The following ALPK1 variants were observed in gnomAD, a reference collection of about 807,000 sequenced individuals.
The protein encoded by ALPK1 is alpha-protein kinase 1.
Under a neutral mutation model 120.6 loss-of-function variants are expected in ALPK1, and 110 were observed. That is an observed-to-expected ratio of 0.91 (90% CI 0.78 to 1.07). The LOEUF (loss-of-function observed/expected upper bound fraction) is 1.07, where lower values mean the gene tolerates loss of function less well. Among genes scored for constraint, ALPK1 ranks in the 50% least tolerant of loss-of-function variants. The probability of loss-of-function intolerance (pLI) is 0.00; values close to 1 mark genes in which losing one functional copy is unlikely to be tolerated. For missense variants in ALPK1, 1,498 were observed against 1,483.9 expected (o/e 1.01, Z -0.16); for synonymous variants, 582 against 560.3 (o/e 1.04, Z -0.55).
intron 1 of ALPK1, among the ~76,000 whole-genome samples, chr4:112,304,444 A>G (rs972500777): frequency 1.3e-5 from 2 of 152,054 alleles, no homozygotes; most frequent in Non-Finnish European, 2.9e-5. Flanking sequence ...TTGCCATTCT[A>G]ACTGGTGTGA....
At chr4:112,323,208 C>T (rs1728938131) in intron 2 of ALPK1, among the ~76,000 whole-genome samples, 1 of 152,182 alleles carries the variant, frequency 6.6e-6, no homozygotes, top group Non-Finnish European at 1.5e-5. Flanking sequence ...ATGTCCTAGT[C>T]GGTCTTCTAA....
chr4:112,336,196 C>T (rs976711461), intron 2 of ALPK1, among the ~76,000 whole-genome samples: 29 of 152,158 alleles, frequency 1.9e-4, no homozygotes, highest in Non-Finnish European at 1.5e-5. Flanking sequence ...TGTAGGTTTT[C>T]ACTTGCTCTT....
rs145036781 is a variant in ALPK1 at position 112,386,533 on chromosome 4, A to G, written c.276+3981A>G. On this transcript the variant is annotated intron_variant, in intron 4 of 15. Coordinates refer to ENST00000650871, the MANE Select transcript of ALPK1 (RefSeq NM_025144.4). ...CAGCTGCCCTTGTAAAACAAAGCAT[A>G]TCACGGGGTCACAGGCTACGGCGAC... is the stretch of plus-strand genomic sequence containing the variant. Among the ~76,000 whole-genome samples, 22 of 152,346 alleles carry G rather than the reference A, an allele frequency of 1.4e-4. No individual in the cohort carries two copies. The East Asian group carries it at 4.2e-3, about 29-fold the overall frequency.
At chr4:112,429,040 G>A (rs1734404179) in intron 9 of ALPK1, 109 bp from the exon 10 acceptor site, 1 of 936,620 alleles carries the variant, frequency 1.1e-6, no homozygotes, top group Non-Finnish European at 1.7e-6. Flanking sequence ...GGGTTGCGGT[G>A]AGGAGTCCCT....
chr4:112,358,796 GAAGT>G, intron 2 of ALPK1: 1 of 827,644 alleles, frequency 1.2e-6, no homozygotes, highest in Non-Finnish European at 2.2e-6. Context: ...TGGTGGCCAT[GAAGT>G]AGGAGCTGAG....
intron 2 of ALPK1, chr4:112,343,168 G>A (rs1729940007): frequency 6.6e-6 from 1 of 152,214 alleles, no homozygotes; most frequent in Non-Finnish European, 1.5e-5. Flanking sequence ...GACGTGCTGA[G>A]ACCTGGTAAA....
At chr4:112,412,299 A>G (rs1409099730) in intron 5 of ALPK1, 1 of 598,372 alleles carries the variant, frequency 1.7e-6, no homozygotes, top group East Asian at 3.6e-5. Context: ...CTTCTAACAA[A>G]TCTGTCCTGC....
intron 2 of ALPK1, chr4:112,356,878 T>A: frequency 1.3e-6 from 1 of 743,952 alleles, no homozygotes; most frequent in South Asian, 1.3e-5. Context: ...TGATCTTTGA[T>A]GAAACTCACA....
At chr4:112,349,800 C>A (rs538219145) in intron 2 of ALPK1, among the ~76,000 whole-genome samples, 1 of 152,302 alleles carries the variant, frequency 6.6e-6, no homozygotes, top group African/African-American at 2.4e-5. Context: ...GATCCACCTG[C>A]CTCGGCCTCC....
chr4:112,423,226 G>A (rs1159465983), intron 5 of ALPK1, among the ~76,000 whole-genome samples: 2 of 152,196 alleles, frequency 1.3e-5, no homozygotes, highest in African/African-American at 4.8e-5. Flanking sequence ...TATTTGGGAT[G>A]AAAGCGTTAC....
chr4:112,435,142 TCCCAGGTGC>T lies in ALPK1; in HGVS notation c.3035-5_3038del. 2 of 1,596,828 alleles carry T rather than the reference TCCCAGGTGC, an allele frequency of 1.3e-6. No individual in the cohort carries two copies. Among genetic ancestry groups the T allele is most frequent in the Admixed American group, 1.8e-5 (1 of 54,176 alleles). On this transcript the variant is annotated splice_acceptor_variant and splice_polypyrimidine_tract_variant and coding_sequence_variant and intron_variant, in exon 12 of 16. Transcript: ENST00000650871. LOFTEE classifies it high-confidence loss of function. ...TAAGATTCATTTTCATCTTTTTTTT[TCCCAGGTGC>T]TCTTTTGTTAAAATATTCAAAAAAA... is the stretch of plus-strand genomic sequence containing the variant.
At chr4:112,340,570 A>G (rs1212516070) in intron 2 of ALPK1, among the ~76,000 whole-genome samples, 2 of 152,230 alleles carry the variant, frequency 1.3e-5, no homozygotes, top group African/African-American at 4.8e-5. Flanking sequence ...GAAGAAAAAA[A>G]TACACATAAT....
intron 2 of ALPK1, chr4:112,357,318 A>G (rs1244960096): frequency 1.1e-6 from 1 of 922,910 alleles, no homozygotes; most frequent in Non-Finnish European, 1.7e-6. Flanking sequence ...GATATTGTCC[A>G]GATTGTGTTC....
rs112320735 is a variant in ALPK1, at chr4:112,361,391, A to C, written c.-100-16287A>C. On this transcript the variant is annotated intron_variant, in intron 2 of 15. Transcript: ENST00000650871. ...GGGGCACAGTGGAAGTGAGACTGGC[A>C]TTTAAGGCTGTAGGCTGCCAGGAAG... is the stretch of plus-strand genomic sequence containing the variant. Among the ~76,000 whole-genome samples the C allele has an allele frequency of 4.7e-3, 723 of 152,292 alleles. 6 individuals are homozygous for C. The highest frequency in any genetic ancestry group is 0.016 in the African/African-American group (685 of 41,572).
In ALPK1 at chr4:112,439,785, G is replaced by T; in HGVS notation, c.3451G>T (p.Glu1151Ter). 1 of 1,612,192 alleles carries T rather than the reference G, an allele frequency of 6.2e-7. No individual in the cohort carries two copies. Among genetic ancestry groups the T allele is most frequent in the South Asian group, 1.1e-5 (1 of 90,864 alleles). ...LSNNTKVVKT[E>*]YKATEYGLAY... ...AAATAACACGAAAGTGGTGAAAACA[G>T]AATACAAAGCCACAGAATATGGCTT... Residue 1151 changes from glutamate to a stop codon, truncating the protein, a stop_gained, in exon 14 of 16, where the codon GAA becomes TAA. Coordinates refer to ENST00000650871, the MANE Select transcript of ALPK1 (RefSeq NM_025144.4). LOFTEE classifies it high-confidence loss of function.
chr4:112,396,124 G>A (rs1732639622), intron 4 of ALPK1, among the ~76,000 whole-genome samples: 1 of 152,074 alleles, frequency 6.6e-6, no homozygotes, highest in Admixed American at 6.6e-5. Flanking sequence ...GATATTTTTA[G>A]TACCTAAACC....
intron 4 of ALPK1, among the ~76,000 whole-genome samples, chr4:112,402,710 T>A (rs975774062): frequency 1.3e-5 from 2 of 152,234 alleles, no homozygotes; most frequent in African/African-American, 4.8e-5. Context: ...TATTTTTATG[T>A]AAACATGATC....
intron 2 of ALPK1, among the ~76,000 whole-genome samples, chr4:112,321,730 A>G (rs763939894): frequency 2.6e-5 from 4 of 152,228 alleles, no homozygotes; most frequent in Non-Finnish European, 5.9e-5. Context: ...TCATAAGACA[A>G]AATTCAAAAA....
intron 2 of ALPK1, among the ~76,000 whole-genome samples, chr4:112,324,989 A>T (rs1178060517): frequency 2.0e-5 from 3 of 151,330 alleles, no homozygotes; most frequent in Non-Finnish European, 4.4e-5. Flanking sequence ...GGGGGGGGCA[A>T]ATAGAGTGAA....
Sources: gnomAD v4.1 joint callset for allele counts (sites outside exome capture counted in the v4.1 genomes callset) on GRCh38, gnomAD v4.1.1 for gene constraint, MANE v1.5 for transcripts, NCBI Gene and HGNC (gene_info 2026-07-23, HGNC 2026-07-21) for gene names.